TBC1D12: variants seen among roughly 807,000 people sequenced by gnomAD.
The protein encoded by TBC1D12 is TBC1 domain family, member 12.
In TBC1D12, 56 loss-of-function variants were observed where a neutral mutation model predicts 86.7. The observed-to-expected ratio is 0.65, with a 90% CI of 0.52 to 0.81. The LOEUF (loss-of-function observed/expected upper bound fraction) is 0.81, where lower values mean the gene tolerates loss of function less well. Ranked by LOEUF, TBC1D12 falls within the 30% of genes least tolerant of loss-of-function variation. The pLI, the probability that TBC1D12 is intolerant of heterozygous loss-of-function variation, is 0.00. For synonymous variants in TBC1D12, 421 were observed against 411.7 expected (o/e 1.02, Z -0.27); for missense variants, 1,023 against 1,038.8 (o/e 0.98, Z 0.21).
intron 11 of TBC1D12, among the ~76,000 whole-genome samples, chr10:94,524,866 G>A (rs1253375508): frequency 6.7e-6 from 1 of 148,370 alleles, no homozygotes; most frequent in East Asian, 2.0e-4. Flanking sequence ...TAGTTCTGTT[G>A]CCCGGGTTGG....
At chr10:94,525,424 C>T (rs927332741) in intron 11 of TBC1D12, among the ~76,000 whole-genome samples, 3 of 152,012 alleles carry the variant, frequency 2.0e-5, no homozygotes, top group African/African-American at 7.2e-5. Flanking sequence ...CCAGCCTGGC[C>T]AACATGGTGA....
intron 6 of TBC1D12, among the ~76,000 whole-genome samples, chr10:94,503,980 T>C (rs1326989672): frequency 6.6e-6 from 1 of 152,246 alleles, no homozygotes; most frequent in Non-Finnish European, 1.5e-5. Flanking sequence ...AAAGGAAGAA[T>C]TAAGTTTTTA....
At chr10:94,500,456 T>G in intron 6 of TBC1D12, 129 bp downstream of exon 6, 2 of 554,464 alleles carry the variant, frequency 3.6e-6, no homozygotes, top group Non-Finnish European at 2.9e-6. Flanking sequence ...AAAAGCATGC[T>G]TCATCCCCCT....
rs181018239 is a variant in TBC1D12, at chr10:94,517,902, C to A, written c.1762-4053C>A. Among the ~76,000 whole-genome samples the A allele has an allele frequency of 4.6e-5, 7 of 152,204 alleles. No homozygotes were observed. The East Asian group carries it at 1.4e-3, about 30-fold the overall frequency. On this transcript the variant is annotated intron_variant, in intron 9 of 12. Transcript: ENST00000225235. ...GTGCGGTGGCTAATGCCTGTAATCC[C>A]AGCATTTTGGGAGGCCGAGGCAGGT...
At chr10:94,494,192 A>G (rs1313230287) in intron 4 of TBC1D12, among the ~76,000 whole-genome samples, 1 of 152,126 alleles carries the variant, frequency 6.6e-6, no homozygotes, top group African/African-American at 2.4e-5. Context: ...AAAAAATAAT[A>G]TCAGGATAAT....
intron 4 of TBC1D12, among the ~76,000 whole-genome samples, chr10:94,496,587 A>G (rs750025653): frequency 6.6e-6 from 1 of 152,200 alleles, no homozygotes; most frequent in Non-Finnish European, 1.5e-5. Flanking sequence ...TTCATAAGAA[A>G]TTTGACTTCA....
chr10:94,406,718 A>G (rs773725881), intron 1 of TBC1D12, among the ~76,000 whole-genome samples: 6 of 152,236 alleles, frequency 3.9e-5, no homozygotes, highest in African/African-American at 9.6e-5. Context: ...CATAGTTGCT[A>G]TTCTCAACTC....
chr10:94,423,747 A>G (rs2055110747), intron 1 of TBC1D12, among the ~76,000 whole-genome samples: 1 of 152,090 alleles, frequency 6.6e-6, no homozygotes, highest in Non-Finnish European at 1.5e-5. Context: ...TCTCTGTTTT[A>G]TCAGTGGTAC....
chr10:94,437,439 C>T (rs979846309), intron 1 of TBC1D12, among the ~76,000 whole-genome samples: 9 of 151,780 alleles, frequency 5.9e-5, no homozygotes, highest in African/African-American at 2.2e-4. Flanking sequence ...CATTCTTCTG[C>T]CTCAGCCCTC....
intron 2 of TBC1D12, 67 bp downstream of exon 2, chr10:94,442,086 T>G: frequency 4.9e-5 from 44 of 904,298 alleles, no homozygotes; most frequent in Non-Finnish European, 5.8e-5. Flanking sequence ...CTTCTTCTTT[T>G]TTTTTTTTTT....
At chr10:94,416,353 TG>T (rs2134056003) in intron 1 of TBC1D12, among the ~76,000 whole-genome samples, 1 of 152,362 alleles carries the variant, frequency 6.6e-6, no homozygotes, top group African/African-American at 2.4e-5. Flanking sequence ...ATTTGGAGCT[TG>T]GTTTTCTCAA....
intron 3 of TBC1D12, among the ~76,000 whole-genome samples, chr10:94,476,930 T>A (rs1341298674): frequency 6.6e-6 from 1 of 152,254 alleles, no homozygotes; most frequent in African/African-American, 2.4e-5. Context: ...TGGTGATTTC[T>A]TCAGCCTTCC....
intron 3 of TBC1D12, among the ~76,000 whole-genome samples, chr10:94,479,897 G>A (rs1038549821): frequency 6.6e-6 from 1 of 152,108 alleles, no homozygotes; most frequent in Non-Finnish European, 1.5e-5. Flanking sequence ...TAGTATGGTG[G>A]CTCCATGCAT....
At position 94,402,837 on chromosome 10, in the gene TBC1D12, C is replaced by A; in HGVS notation, c.224C>A (p.Ala75Glu). 6.5e-7 allele frequency: 1 copy of A among 1,537,814 alleles called. No individual in the cohort carries two copies. Among genetic ancestry groups the A allele is most frequent in the Non-Finnish European group, 8.8e-7 (1 of 1,142,310 alleles). The change falls in exon 1 of 13, where the codon GCG becomes GAG. Residue 75 changes from alanine (A) to glutamate (E), a missense_variant. Physicochemically the swap from Ala to Glu is moderately radical, Grantham distance 107. This residue lies in a region of TBC1D12 where 628 missense variants were observed against 531.1 expected (regional missense o/e 1.18). Coordinates refer to ENST00000225235, the MANE Select transcript of TBC1D12 (RefSeq NM_015188.2). ...CGGCAGCTCCTTCAGCGTTACCTCG[C>A]GGCGGCCGGGGAGCAGCTGGAGCCG... ...PPRQLLQRYL[A>E]AAGEQLEPGL...
chr10:94,442,895 T>G (rs547534896), intron 2 of TBC1D12, among the ~76,000 whole-genome samples: 1 of 152,354 alleles, frequency 6.6e-6, no homozygotes, highest in African/African-American at 2.4e-5. Context: ...GTTTTCCAAG[T>G]AATATGAGAA....
chr10:94,485,612 A>G (rs1001341950), intron 3 of TBC1D12, among the ~76,000 whole-genome samples: 2 of 150,698 alleles, frequency 1.3e-5, no homozygotes, highest in African/African-American at 4.9e-5. Flanking sequence ...GCCTCATACA[A>G]TGAGTTCATA....
intron 11 of TBC1D12, among the ~76,000 whole-genome samples, chr10:94,527,682 T>C (rs1475969476): frequency 6.6e-6 from 1 of 152,138 alleles, no homozygotes; most frequent in South Asian, 2.1e-4. Flanking sequence ...CTTCTGATAG[T>C]TTTATAGTTT....
chr10:94,473,604 A>G (rs535343612), intron 2 of TBC1D12, among the ~76,000 whole-genome samples: 2 of 152,282 alleles, frequency 1.3e-5, no homozygotes, highest in South Asian at 4.1e-4. Flanking sequence ...TTCTATAGCC[A>G]CCAGTGGACT....
intron 1 of TBC1D12, among the ~76,000 whole-genome samples, chr10:94,414,106 GA>G (rs1372236409): frequency 6.6e-6 from 1 of 152,032 alleles, no homozygotes; most frequent in Non-Finnish European, 1.5e-5. Flanking sequence ...ATTTGCTTTT[GA>G]AAAGCAGGAG....
Sources: allele counts gnomAD v4.1 joint callset (sites outside exome capture counted in the v4.1 genomes callset), GRCh38; gene constraint gnomAD v4.1.1; regional missense constraint gnomAD v4.1.1; transcripts MANE v1.5; gene names NCBI Gene and HGNC (gene_info 2026-07-23, HGNC 2026-07-21).